Variants in MRPL46 observed in about 807,000 individuals in gnomAD.
MRPL46 encodes mitochondrial ribosomal protein L46, also known as large ribosomal subunit protein mL46.
In MRPL46, 26 loss-of-function variants were observed where a neutral mutation model predicts 31.0. The observed-to-expected ratio is 0.84, with a 90% CI of 0.61 to 1.16. The LOEUF is 1.16. Ranked by LOEUF, MRPL46 falls within the 50% of genes most tolerant of loss-of-function variation. The pLI, the probability that MRPL46 is intolerant of heterozygous loss-of-function variation, is 0.00. For missense variants in MRPL46, 395 were observed against 340.0 expected (o/e 1.16, Z -1.27); for synonymous variants, 159 against 141.3 (o/e 1.13, Z -0.89).
In MRPL46 at chr15:88,459,817, G is replaced by GT; in HGVS notation, c.635dup (p.His212GlnfsTer15). On this transcript the variant is annotated frameshift_variant, in exon 4 of 4. Coordinates refer to ENST00000312475, the MANE Select transcript of MRPL46 (RefSeq NM_022163.4). LOFTEE classifies it high-confidence loss of function. ...TTGCCTGGGGGAACTTGAATGTGTA[G>GT]TGCCCACAGGGTGCATTTCCTAGGA... 1 of 1,614,198 alleles carries GT rather than the reference G, an allele frequency of 6.2e-7. No individual in the cohort carries two copies. Among genetic ancestry groups the GT allele is most frequent in the Non-Finnish European group, 8.5e-7 (1 of 1,180,036 alleles).
chr15:88,463,137 C>T lies in MRPL46; in HGVS notation c.589+1566G>A, dbSNP rs1249149531. The T allele has an allele frequency of 2.0e-5, 3 of 152,244 alleles. No individual in the cohort carries two copies. The highest frequency in any genetic ancestry group is 4.4e-5 in the Non-Finnish European group (3 of 68,048). The allele number at this position is 152,244 out of a possible 1,614,324, so 9.4% of individuals were successfully genotyped here. On this transcript the variant is annotated intron_variant, in intron 3 of 3. Transcript: ENST00000312475. The surrounding 1 kb of genome is among the most constrained non-coding windows in gnomAD (Gnocchi z 5.4). The stretch of plus-strand genomic sequence containing the variant: ...GCTGAGGAGACTGAGAAAGCAGCAA[C>T]CTCCTCTCCTACCATATTCCATTCT...
intron 1 of MRPL46, among the ~76,000 whole-genome samples, chr15:88,466,767 C>T (rs964829669): frequency 6.6e-6 from 1 of 152,182 alleles, no homozygotes; most frequent in African/African-American, 2.4e-5. Context: ...TGAGATAAAA[C>T]AGAGTAGGCT....
chr15:88,459,497 T>C lies in MRPL46; in HGVS notation c.*116A>G. The C allele has an allele frequency of 6.8e-7, 1 of 1,475,086 alleles. No individual in the cohort carries two copies. The highest frequency in any genetic ancestry group is 9.2e-7 in the Non-Finnish European group (1 of 1,084,756). 91.4% of individuals were successfully genotyped at this position (1,475,086 alleles called of 1,614,324 possible). A position where few individuals can be genotyped will look rare whatever the true frequency, so the allele number is the denominator to read the frequency against. On this transcript the variant is annotated 3_prime_UTR_variant, in exon 4 of 4. Coordinates refer to ENST00000312475, the MANE Select transcript of MRPL46 (RefSeq NM_022163.4). ...CCAACACAGTAATAGACTCGTTTAT[T>C]TCTCAGAATTTAGTTTGCTGCTTGA... is the stretch of plus-strand genomic sequence containing the variant.
intron 2 of MRPL46, 35 bp from the exon 3 acceptor site, chr15:88,464,911 T>G (rs751141403): frequency 1.3e-6 from 2 of 1,590,996 alleles, no homozygotes; most frequent in Non-Finnish European, 1.7e-6. Flanking sequence ...GTAAGAAGAC[T>G]GTGATCTGCC....
At chr15:88,466,610 G>A (rs1475931127) in intron 1 of MRPL46, among the ~76,000 whole-genome samples, 1 of 152,232 alleles carries the variant, frequency 6.6e-6, no homozygotes, top group African/African-American at 2.4e-5. Context: ...GAAGTTTATA[G>A]TTCTCAACAG....
In MRPL46 at chr15:88,465,685, T is replaced by G. The variant is rs760448490; in HGVS notation, c.317A>C (p.His106Pro). 13 of 1,614,100 alleles carry G rather than the reference T, an allele frequency of 8.1e-6. No homozygotes were observed. Among genetic ancestry groups the G allele is most frequent in the Non-Finnish European group, 1.1e-5 (13 of 1,180,022 alleles). ...TATATCCTGTTCATCTTCTTCATCATGAAGGTCAGCTTTCTTCTTTGCCAG... is the reference window on the plus strand; with the variant it reads ...TATATCCTGTTCATCTTCTTCATCAGGAAGGTCAGCTTTCTTCTTTGCCAG... ...QRLAKKKADLHDEEDEQDILL... is the reference protein window; with the variant it reads ...QRLAKKKADLPDEEDEQDILL... Residue 106 changes from histidine to proline, a missense_variant, in exon 2 of 4, where the codon CAT (histidine) becomes CCT (proline). By Grantham distance (77) the His-to-Pro change is moderately conservative. Coordinates refer to ENST00000312475, the MANE Select transcript of MRPL46 (RefSeq NM_022163.4).
chr15:88,459,540 A>C lies in MRPL46; in HGVS notation c.*73T>G. 6.3e-7 allele frequency: 1 copy of C among 1,581,500 alleles called. No individual in the cohort carries two copies. Among genetic ancestry groups the C allele is most frequent in the Non-Finnish European group, 8.6e-7 (1 of 1,160,380 alleles). On this transcript the variant is annotated 3_prime_UTR_variant, in exon 4 of 4. Transcript: ENST00000312475. ...CTGCTTGATATTACCTGCAAATGTG[A>C]GGCAATCACACAATGTCCTTGAGGC...
chr15:88,465,456 G>A, intron 2 of MRPL46, 131 bp downstream of exon 2: 1 of 1,006,076 alleles, frequency 9.9e-7, no homozygotes, highest in East Asian at 2.7e-5. Context: ...TGGTAGATGT[G>A]AGCAACAAAG....
chr15:88,465,898 A>C, intron 1 of MRPL46, 125 bp from the exon 2 acceptor site: 1 of 850,710 alleles, frequency 1.2e-6, no homozygotes, highest in South Asian at 2.1e-5. Flanking sequence ...ACCCAACATA[A>C]CCAGATACAC....
rs1567041250 is a variant in MRPL46 at position 88,467,154 on chromosome 15, T to C, written c.224A>G (p.Gln75Arg). ...AACCCTGCATCTCAGTCCCACCTGC[T>C]GCAGTAGAGACGCCATCTCTTCCTG... ...PLQEEMASLL[Q>R]QIEIERSLYS... The change falls in exon 1 of 4, where the codon CAG (glutamine) becomes CGG (arginine). Residue 75 changes from glutamine to arginine, a missense_variant. Physicochemically the swap from Gln to Arg is conservative, Grantham distance 43 (BLOSUM62 1). Transcript: ENST00000312475. The C allele has an allele frequency of 6.2e-7, 1 of 1,613,814 alleles. No homozygotes were observed. Among genetic ancestry groups the C allele is most frequent in the South Asian group, 1.1e-5 (1 of 91,086 alleles).
Position 88,464,873 on chromosome 15 carries a change from G to C in MRPL46, c.419C>G (p.Ala140Gly), listed in dbSNP as rs765166427. 11 of 1,613,332 alleles carry C rather than the reference G, an allele frequency of 6.8e-6. No homozygotes were observed. The South Asian group carries it at 1.2e-4, about 18-fold the overall frequency. Reference sequence around the variant, plus strand: ...GGATGTTCGGTCATTCTTTTCATCAGCTTCTACAGCAAAGGGGGTCAGAGG... The same window carrying C: ...GGATGTTCGGTCATTCTTTTCATCACCTTCTACAGCAAAGGGGGTCAGAGG... ...QFKLGARITEADEKNDRTSLN... is the reference protein window; with the variant it reads ...QFKLGARITEGDEKNDRTSLN... The change falls in exon 3 of 4, where the codon GCT (alanine) becomes GGT (glycine). Residue 140 changes from alanine to glycine, a missense_variant. Transcript: ENST00000312475.
At chr15:88,465,051 A>G (rs2055511301) in intron 2 of MRPL46, 175 bp from the exon 3 acceptor site, 8 of 569,844 alleles carry the variant, frequency 1.4e-5, no homozygotes, top group Non-Finnish European at 2.0e-5. Flanking sequence ...AGAGTCTCAC[A>G]ATCTTGAGGA....
chr15:88,461,369 T>C (rs775344612), intron 3 of MRPL46: 18 of 151,264 alleles, frequency 1.2e-4, no homozygotes, highest in East Asian at 1.9e-4. Flanking sequence ...CTGGGCAACA[T>C]AGCAAGATTC....
chr15:88,467,150 C>G lies in MRPL46; in HGVS notation c.228G>C (p.Gln76His). ...TCTGAACCCTGCATCTCAGTCCCAC[C>G]TGCTGCAGTAGAGACGCCATCTCTT... Reference protein sequence around the residue: ...LQEEMASLLQQIEIERSLYSD... With the variant: ...LQEEMASLLQHIEIERSLYSD... The change falls in exon 1 of 4, where the codon CAG (glutamine) becomes CAC (histidine). Residue 76 changes from glutamine to histidine, a missense_variant and splice_region_variant. Transcript: ENST00000312475. 1.9e-6 allele frequency: 3 copies of G among 1,613,490 alleles called. No individual in the cohort carries two copies.
intron 2 of MRPL46, chr15:88,465,186 A>T: frequency 2.4e-6 from 1 of 410,920 alleles, no homozygotes; most frequent in Non-Finnish European, 4.3e-6. Flanking sequence ...TGATACTATT[A>T]CTGACTTAAC....
chr15:88,465,110 A>G (rs551122044), intron 2 of MRPL46: 11 of 448,212 alleles, frequency 2.5e-5, no homozygotes, highest in African/African-American at 2.2e-4. Context: ...ACAGCAAACC[A>G]TATTTTGAGT....
At chr15:88,459,913 A>G in intron 3 of MRPL46, 50 bp from the exon 4 acceptor site, 1 of 1,605,652 alleles carries the variant, frequency 6.2e-7, no homozygotes, top group Non-Finnish European at 8.5e-7. Context: ...GGATACAGCC[A>G]TCTGTTTACT....
At chr15:88,466,620 G>C (rs533885826) in intron 1 of MRPL46, among the ~76,000 whole-genome samples, 4 of 152,332 alleles carry the variant, frequency 2.6e-5, no homozygotes, top group Non-Finnish European at 5.9e-5. Context: ...GTTCTCAACA[G>C]ACCAAGACAA....
chr15:88,465,879 A>G lies in MRPL46; in HGVS notation c.229-106T>C, dbSNP rs1342210955. On this transcript the variant is annotated intron_variant, in intron 1 of 3. Transcript: ENST00000312475. Reference sequence around the variant, plus strand: ...GACATGGCACACTTGGCAAGCTCAGAAGTTTATCACCCAACATAACCAGAT... The same window carrying G: ...GACATGGCACACTTGGCAAGCTCAGGAGTTTATCACCCAACATAACCAGAT... The G allele has an allele frequency of 2.8e-6, 3 of 1,072,124 alleles. No individual in the cohort carries two copies. The Admixed American group carries it at 9.2e-5, about 33-fold the overall frequency. The allele number at this position is 1,072,124 out of a possible 1,614,324, so 66.4% of individuals were successfully genotyped here. A position where few individuals can be genotyped will look rare whatever the true frequency, so the allele number is the denominator to read the frequency against.
Sources: allele counts gnomAD v4.1 joint callset (sites outside exome capture counted in the v4.1 genomes callset), GRCh38; gene constraint gnomAD v4.1.1; non-coding constraint Gnocchi (gnomAD v3.1); transcripts MANE v1.5; gene names NCBI Gene and HGNC (gene_info 2026-07-23, HGNC 2026-07-21).